Variants in FOXJ3 observed in about 807,000 individuals in gnomAD.
FOXJ3 encodes the protein forkhead box protein J3.
FOXJ3 carries 22 observed loss-of-function variants against 76.1 expected under a neutral mutation model. The observed-to-expected ratio is 0.29, with a 90% CI of 0.21 to 0.41. The LOEUF (loss-of-function observed/expected upper bound fraction) is 0.41. FOXJ3 is among the 10% of genes least tolerant of loss of function. FOXJ3 has a pLI of 1.00. For synonymous variants in FOXJ3, 269 were observed against 261.2 expected, an observed-to-expected ratio of 1.03 and a Z score of -0.29; for missense variants, 613 against 762.1, an observed-to-expected ratio of 0.80 and a Z score of 2.30.
At chr1:42,306,428 G>A (rs1456752231) in intron 2 of FOXJ3, among the ~76,000 whole-genome samples, 10 of 149,260 alleles carry the variant, frequency 6.7e-5, no homozygotes, top group African/African-American at 2.0e-4. Flanking sequence ...TCAGCCTCCC[G>A]AGTAGCTGGG....
chr1:42,181,397 C>T lies in FOXJ3; in HGVS notation c.1753+520G>A, dbSNP rs72672802. Among the ~76,000 whole-genome samples, 1,028 of 152,272 alleles carry T rather than the reference C, an allele frequency of 6.8e-3. 9 individuals are homozygous for T. The highest frequency in any genetic ancestry group is 0.02 in the Middle Eastern group (6 of 294). The stretch of plus-strand genomic sequence containing the variant: ...ATTTACCTTCTCTACAAGGTACTTC[C>T]CTGGAAACTATAGCTGGGGGAACTC... On this transcript the variant is annotated intron_variant, in intron 12 of 12. Coordinates refer to ENST00000361346, the MANE Select transcript of FOXJ3 (RefSeq NM_014947.5).
chr1:42,209,706 C>T (rs1292944132), intron 5 of FOXJ3, among the ~76,000 whole-genome samples: 1 of 152,226 alleles, frequency 6.6e-6, no homozygotes, highest in Non-Finnish European at 1.5e-5. Flanking sequence ...AGCATCACGA[C>T]ATGCTTTACA....
chr1:42,288,705 C>T (rs886263667), intron 2 of FOXJ3, among the ~76,000 whole-genome samples: 3 of 152,166 alleles, frequency 2.0e-5, no homozygotes, highest in East Asian at 1.9e-4. Context: ...TTTTTTCACT[C>T]TTATCCTCTC....
chr1:42,283,427 G>GTA (rs1173502979), intron 2 of FOXJ3, among the ~76,000 whole-genome samples: 5 of 152,136 alleles, frequency 3.3e-5, no homozygotes, highest in Non-Finnish European at 5.9e-5. Context: ...AGCTACTTTA[G>GTA]TACACTGCGT....
chr1:42,266,572 G>A lies in FOXJ3; in HGVS notation c.370-1383C>T, dbSNP rs149990195. The stretch of plus-strand genomic sequence containing the variant: ...TAAAATTTTAAAGGCCAAGCGTGGG[G>A]CTGTCACTTTAGAGCAACAAGAACC... On this transcript the variant is annotated intron_variant, in intron 3 of 12. Coordinates refer to ENST00000361346, the MANE Select transcript of FOXJ3 (RefSeq NM_014947.5). Among the ~76,000 whole-genome samples, 42 of 152,206 alleles carry A rather than the reference G, an allele frequency of 2.8e-4. 1 individual carries two copies. In the East Asian group the frequency reaches 8.1e-3, roughly 29 times the overall value.
In FOXJ3 at chr1:42,179,645, T is replaced by C. The variant is rs1646277367; in HGVS notation, c.*65A>G. On this transcript the variant is annotated 3_prime_UTR_variant, in exon 13 of 13. Transcript: ENST00000361346. The stretch of plus-strand genomic sequence containing the variant: ...AGTTTGTTTTCTCAACTGGATTCTC[T>C]TAAACCTTTCCCTTCACTGCACAGA... 9.9e-7 allele frequency: 1 copy of C among 1,011,904 alleles called. No homozygotes were observed. The highest frequency in any genetic ancestry group is 1.6e-5 in the African/African-American group (1 of 63,156). 62.7% of individuals were successfully genotyped at this position (1,011,904 alleles called of 1,614,324 possible). A position where few individuals can be genotyped will look rare whatever the true frequency, so the allele number is the denominator to read the frequency against.
intron 4 of FOXJ3, among the ~76,000 whole-genome samples, chr1:42,253,642 C>A (rs1227950603): frequency 1.3e-5 from 2 of 152,116 alleles, no homozygotes; most frequent in Non-Finnish European, 2.9e-5. Flanking sequence ...CAGAACAGAG[C>A]CCTCAGAAAT....
intron 4 of FOXJ3, among the ~76,000 whole-genome samples, chr1:42,254,150 C>T (rs950218958): frequency 2.6e-5 from 4 of 151,920 alleles, no homozygotes; most frequent in South Asian, 2.1e-4. Flanking sequence ...AAAAAGTGGG[C>T]GAAGGATATG....
Position 42,181,897 on chromosome 1 carries a change from A to ACTCTCT in FOXJ3, c.1753+14_1753+19dup. 1 of 1,192,552 alleles carries ACTCTCT rather than the reference A, an allele frequency of 8.4e-7. No individual in the cohort carries two copies. Among genetic ancestry groups the ACTCTCT allele is most frequent in the East Asian group, 2.7e-5 (1 of 37,338 alleles). The allele number at this position is 1,192,552 out of a possible 1,614,324, so 73.9% of individuals were successfully genotyped here. On this transcript the variant is annotated intron_variant, in intron 12 of 12. Transcript: ENST00000361346. ...CACACACACACACACACACACACTC[A>ACTCTCT]CTCTCTCTCTCTCTCTTACCTGCCA...
In FOXJ3 at chr1:42,225,921, C is replaced by A. The variant is rs140176983; in HGVS notation, c.528+1962G>T. Among the ~76,000 whole-genome samples the A allele has an allele frequency of 1.7e-4, 26 of 152,244 alleles. No homozygotes were observed. The East Asian group carries it at 4.2e-3, about 25-fold the overall frequency. ...AAAACAAGGTAACAAGAATAAAAGG[C>A]AAGCTTAATATCCAAAAGACACGGA... is the stretch of plus-strand genomic sequence containing the variant. On this transcript the variant is annotated intron_variant, in intron 5 of 12. Transcript: ENST00000361346.
intron 3 of FOXJ3, among the ~76,000 whole-genome samples, chr1:42,267,556 G>C (rs914629738): frequency 6.6e-6 from 1 of 151,960 alleles, no homozygotes; most frequent in Non-Finnish European, 1.5e-5. Flanking sequence ...ACAGATATCT[G>C]GTCTCAGGCA....
intron 6 of FOXJ3, among the ~76,000 whole-genome samples, chr1:42,204,269 C>T (rs1646818727): frequency 6.6e-6 from 1 of 152,084 alleles, no homozygotes; most frequent in Non-Finnish European, 1.5e-5. Context: ...ATACCTCCCT[C>T]TTCTTTTTTT....
intron 2 of FOXJ3, among the ~76,000 whole-genome samples, chr1:42,296,719 A>G (rs1474247559): frequency 6.6e-6 from 1 of 152,200 alleles, no homozygotes; most frequent in African/African-American, 2.4e-5. Context: ...GCCTTGTAGT[A>G]TAATTTGAAG....
At position 42,281,482 on chromosome 1, in the gene FOXJ3, A is replaced by G. The variant is rs144654590; in HGVS notation, c.45-2810T>C. ...GAAAGAAAAAGGACCCTAGTCTTCA[A>G]AGCCATCATGTGTAAAAATTATTCC... On this transcript the variant is annotated intron_variant, in intron 2 of 12. Coordinates refer to ENST00000361346, the MANE Select transcript of FOXJ3 (RefSeq NM_014947.5). Among the ~76,000 whole-genome samples the G allele has an allele frequency of 4.1e-3, 630 of 152,330 alleles. 3 individuals carry two copies. Among genetic ancestry groups the G allele is most frequent in the African/African-American group, 0.014 (587 of 41,582 alleles).
intron 2 of FOXJ3, among the ~76,000 whole-genome samples, chr1:42,296,398 C>G (rs1157386837): frequency 6.6e-6 from 1 of 152,156 alleles, no homozygotes; most frequent in Non-Finnish European, 1.5e-5. Flanking sequence ...AGAGTTCTTC[C>G]TAAGTTTTCT....
chr1:42,182,111 C>G (rs1646337050), intron 11 of FOXJ3, 87 bp from the exon 12 acceptor site: 5 of 707,582 alleles, frequency 7.1e-6, no homozygotes, highest in Non-Finnish European at 1.2e-5. Context: ...AATTGTTACT[C>G]TGAAAGTAAA....
intron 2 of FOXJ3, among the ~76,000 whole-genome samples, chr1:42,279,934 A>G (rs2124678557): frequency 6.6e-6 from 1 of 152,210 alleles, no homozygotes; most frequent in East Asian, 1.9e-4. Context: ...AATATTATGT[A>G]TAGGATCTGA....
intron 2 of FOXJ3, among the ~76,000 whole-genome samples, chr1:42,302,056 G>A (rs1470035442): frequency 6.6e-6 from 1 of 152,170 alleles, no homozygotes; most frequent in East Asian, 1.9e-4. Flanking sequence ...GTGGCAAAGA[G>A]TCTGCATTAA....
rs60560055 is a variant in FOXJ3, at chr1:42,237,405, C to CATATATATAT, written c.445-9449_445-9440dup. ...ATATATATATATACATACATACATA[C>CATATATATAT]ATATATATATATATATATATATACA... On this transcript the variant is annotated intron_variant, in intron 4 of 12. Coordinates refer to ENST00000361346, the MANE Select transcript of FOXJ3 (RefSeq NM_014947.5). Among the ~76,000 whole-genome samples, 481 of 140,740 alleles carry CATATATATAT rather than the reference C, an allele frequency of 3.4e-3. 7 individuals carry two copies. The highest frequency in any genetic ancestry group is 0.024 in the South Asian group (107 of 4,410). The allele number at this position is 140,740 out of a possible 152,430, so 92.3% of individuals were successfully genotyped here.
Sources: gnomAD v4.1 joint callset for allele counts (sites outside exome capture counted in the v4.1 genomes callset) on GRCh38, gnomAD v4.1.1 for gene constraint, MANE v1.5 for transcripts, NCBI Gene and HGNC (gene_info 2026-07-23, HGNC 2026-07-21) for gene names.